NREP: variants seen among roughly 807,000 people sequenced by gnomAD.
NREP encodes the protein neuronal regeneration-related protein.
In NREP, 5 loss-of-function variants were observed where a neutral mutation model predicts 8.6. That is an observed-to-expected ratio of 0.58 (90% CI 0.30 to 1.22). NREP has a LOEUF of 1.22. Ranked by LOEUF, NREP falls within the 50% of genes most tolerant of loss-of-function variation. NREP has a pLI of 0.07. For synonymous variants in NREP, 27 were observed against 28.0 expected, an observed-to-expected ratio of 0.96 and a Z score of 0.11; for missense variants, 86 against 82.5, an observed-to-expected ratio of 1.04 and a Z score of -0.17.
intron 2 of NREP, chr5:111,975,182 C>A (rs1272128283): frequency 1.5e-5 from 12 of 825,406 alleles, no homozygotes; most frequent in Non-Finnish European, 2.4e-5. Context: ...AATGACTGCA[C>A]CAGTTCAGGA....
At chr5:111,742,117 G>A (rs549946919) in intron 2 of NREP, among the ~76,000 whole-genome samples, 16 of 152,196 alleles carry the variant, frequency 1.1e-4, no homozygotes, top group African/African-American at 3.1e-4. Flanking sequence ...CATTAGCTTC[G>A]CTTCGGGTGT....
At position 111,818,421 on chromosome 5, in the gene NREP, G is replaced by A. The variant is rs1338537109; in HGVS notation, c.136-82914C>T. ...AAAATGAAGTCCTTGATTATGTACT[G>A]AGAATAATTATTCTGCTAATATTTT... On this transcript the variant is annotated intron_variant, in intron 2 of 3. Transcript: ENST00000395634. Among the ~76,000 whole-genome samples, 8 of 152,280 alleles carry A rather than the reference G, an allele frequency of 5.3e-5. No individual in the cohort carries two copies. In the South Asian group the frequency reaches 1.2e-3, roughly 24 times the overall value.
intron 2 of NREP, among the ~76,000 whole-genome samples, chr5:111,941,586 A>T (rs1277620218): frequency 6.6e-6 from 1 of 152,092 alleles, no homozygotes; most frequent in Non-Finnish European, 1.5e-5. Context: ...ATAGAGTCAC[A>T]TTCTGAAGTA....
At chr5:111,881,986 C>T (rs982989498) in intron 2 of NREP, among the ~76,000 whole-genome samples, 1 of 152,212 alleles carries the variant, frequency 6.6e-6, no homozygotes, top group East Asian at 1.9e-4. Context: ...CAGAGAATGA[C>T]TTTGACGAGT....
intron 2 of NREP, among the ~76,000 whole-genome samples, chr5:111,970,647 G>A (rs1252466765): frequency 6.6e-6 from 1 of 151,906 alleles, no homozygotes; most frequent in Non-Finnish European, 1.5e-5. Context: ...CCAACATGGT[G>A]AAACCCCGCC....
At chr5:111,964,941 T>C (rs576523434) in intron 2 of NREP, among the ~76,000 whole-genome samples, 63 of 137,208 alleles carry the variant, frequency 4.6e-4, no homozygotes, top group Non-Finnish European at 8.5e-4. Context: ...AATAAGAACA[T>C]TTACTATTCC....
chr5:111,748,346 A>G (rs1750137079), intron 2 of NREP, among the ~76,000 whole-genome samples: 2 of 152,136 alleles, frequency 1.3e-5, no homozygotes, highest in Non-Finnish European at 2.9e-5. Flanking sequence ...ATTTCCCGGA[A>G]TGCCTGACTT....
At chr5:111,827,558 T>C (rs1052496689) in intron 2 of NREP, among the ~76,000 whole-genome samples, 221 of 152,190 alleles carry the variant, frequency 1.5e-3, no homozygotes, top group African/African-American at 5.2e-3. Flanking sequence ...GAATAAAACC[T>C]GTGTGCTCTA....
chr5:111,832,363 AAAC>A (rs765924557), intron 2 of NREP, among the ~76,000 whole-genome samples: 5 of 152,024 alleles, frequency 3.3e-5, no homozygotes, highest in African/African-American at 4.8e-5. Flanking sequence ...ACAGAAAAAC[AAAC>A]AACAACAACA....
At chr5:111,947,248 C>A (rs1476053994) in intron 2 of NREP, among the ~76,000 whole-genome samples, 1 of 151,984 alleles carries the variant, frequency 6.6e-6, no homozygotes, top group Non-Finnish European at 1.5e-5. Flanking sequence ...CTTAGGAGAT[C>A]CTACATACTA....
At chr5:111,911,184 C>G (rs1323071156) in intron 2 of NREP, among the ~76,000 whole-genome samples, 1 of 152,040 alleles carries the variant, frequency 6.6e-6, no homozygotes, top group East Asian at 1.9e-4. Flanking sequence ...ACCCCGGCAC[C>G]CAGCAATCTG....
At chr5:111,922,508 G>T (rs1755272629) in intron 2 of NREP, among the ~76,000 whole-genome samples, 2 of 152,138 alleles carry the variant, frequency 1.3e-5, no homozygotes, top group Admixed American at 1.3e-4. Flanking sequence ...GCATATGGGT[G>T]AAGTCTATTT....
chr5:111,875,159 ATTT>A (rs1198925659), intron 2 of NREP, among the ~76,000 whole-genome samples: 2 of 152,020 alleles, frequency 1.3e-5, no homozygotes, highest in Non-Finnish European at 2.9e-5. Context: ...ACCAAAAGCG[ATTT>A]TTTCCCTTAT....
intron 2 of NREP, among the ~76,000 whole-genome samples, chr5:111,955,815 T>C (rs1177218273): frequency 4.0e-5 from 6 of 150,664 alleles, no homozygotes; most frequent in Admixed American, 3.3e-4. Context: ...AGGCAGAGCA[T>C]GGGAGTAGAC....
rs149883143 is a variant in NREP, at chr5:111,882,480, C to T, written c.135+92794G>A. On this transcript the variant is annotated intron_variant, in intron 2 of 3. Transcript: ENST00000395634. Reference sequence around the variant, plus strand: ...ATTTGGATGCAGGAAATACAGAGAACGCAACAAAGATACTCCTCAAGAAGA... The same window carrying T: ...ATTTGGATGCAGGAAATACAGAGAATGCAACAAAGATACTCCTCAAGAAGA... Among the ~76,000 whole-genome samples the T allele has an allele frequency of 8.2e-3, 1,251 of 152,162 alleles. 18 individuals are homozygous for T. Among genetic ancestry groups the T allele is most frequent in the African/African-American group, 0.028 (1,179 of 41,490 alleles).
chr5:111,793,513 C>A (rs966819101), intron 2 of NREP, among the ~76,000 whole-genome samples: 1 of 152,154 alleles, frequency 6.6e-6, no homozygotes, highest in Non-Finnish European at 1.5e-5. Flanking sequence ...AGGCTCTCAA[C>A]AGATTGGATC....
chr5:111,753,860 G>C (rs1750534111), intron 2 of NREP, among the ~76,000 whole-genome samples: 1 of 150,372 alleles, frequency 6.7e-6, no homozygotes, highest in Non-Finnish European at 1.5e-5. Flanking sequence ...AGAAAGAGGA[G>C]ATACAAAGAC....
At chr5:111,949,912 T>C (rs1326221284) in intron 2 of NREP, among the ~76,000 whole-genome samples, 1 of 152,080 alleles carries the variant, frequency 6.6e-6, no homozygotes, top group Non-Finnish European at 1.5e-5. Context: ...GTCTTTATGG[T>C]AGAATGATTT....
intron 2 of NREP, among the ~76,000 whole-genome samples, chr5:111,837,968 CTAAT>C (rs1319633645): frequency 6.6e-6 from 1 of 151,914 alleles, no homozygotes; most frequent in Non-Finnish European, 1.5e-5. Flanking sequence ...TGCAATTTTG[CTAAT>C]TAATCTAATT....
Sources: gnomAD v4.1 joint callset for allele counts (sites outside exome capture counted in the v4.1 genomes callset) on GRCh38, gnomAD v4.1.1 for gene constraint, MANE v1.5 for transcripts, NCBI Gene and HGNC (gene_info 2026-07-23, HGNC 2026-07-21) for gene names.